FANCE: variants seen among roughly 807,000 people sequenced by gnomAD.
FANCE encodes the protein FA complementation group E.
A neutral mutation model predicts 57.8 loss-of-function variants in FANCE; 42 were observed. That is an observed-to-expected ratio of 0.73 (90% CI 0.57 to 0.94). The LOEUF is 0.94. FANCE is among the 40% of genes least tolerant of loss of function. The pLI is 0.00. For missense variants in FANCE, 608 were observed against 661.8 expected, an observed-to-expected ratio of 0.92 and a Z score of 0.89; for synonymous variants, 251 against 286.4, an observed-to-expected ratio of 0.88 and a Z score of 1.25.
intron 5 of FANCE, 120 bp downstream of exon 5, chr6:35,458,560 G>A (rs1170558213): frequency 2.0e-5 from 25 of 1,244,752 alleles, no homozygotes; most frequent in Admixed American, 1.5e-4. Context: ...GGCTGTTTGG[G>A]CAGCCTGGGG....
chr6:35,455,304 CT>C (rs368813092), intron 1 of FANCE, among the ~76,000 whole-genome samples: 79 of 145,964 alleles, frequency 5.4e-4, no homozygotes, highest in Middle Eastern at 3.5e-3. Flanking sequence ...CATCCACTGA[CT>C]TTTTTTTTTT....
At chr6:35,461,748 C>T (rs1364030650) in intron 8 of FANCE, among the ~76,000 whole-genome samples, 1 of 150,768 alleles carries the variant, frequency 6.6e-6, no homozygotes, top group Non-Finnish European at 1.5e-5. Context: ...CCCGGGTTCA[C>T]GCCATTCTCC....
rs1003010849 is a variant in FANCE at position 35,466,628 on chromosome 6, G to A, written c.*283G>A. Reference sequence around the variant, plus strand: ...CATCCAGGCTGGAGTGCAGTGATGCGATTGATCATGGCTCACTGTAACCTC... The same window carrying A: ...CATCCAGGCTGGAGTGCAGTGATGCAATTGATCATGGCTCACTGTAACCTC... On this transcript the variant is annotated 3_prime_UTR_variant, in exon 10 of 10. Transcript: ENST00000229769. The A allele has an allele frequency of 2.2e-5, 10 of 457,286 alleles. No individual in the cohort carries two copies. Among genetic ancestry groups the A allele is most frequent in the South Asian group, 6.3e-5 (3 of 47,384 alleles). 28.3% of individuals were successfully genotyped at this position (457,286 alleles called of 1,614,324 possible). A position where few individuals can be genotyped will look rare whatever the true frequency, so the allele number is the denominator to read the frequency against.
intron 6 of FANCE, 64 bp downstream of exon 6, chr6:35,459,518 CCA>C (rs1483743684): frequency 2.5e-6 from 4 of 1,611,768 alleles, no homozygotes; most frequent in Non-Finnish European, 2.5e-6. Context: ...ATCCTTCACC[CCA>C]GAGTGGCCCT....
intron 5 of FANCE, 71 bp from the exon 6 acceptor site, chr6:35,459,260 A>C: frequency 1.3e-6 from 2 of 1,578,572 alleles, no homozygotes; most frequent in African/African-American, 1.3e-5. Flanking sequence ...CATCATCTGA[A>C]ATGTGCATTT....
chr6:35,452,394 G>T lies in FANCE; in HGVS notation c.-152G>T. ...CGGCTTCGGGCGGCCGGGTTTCTCC[G>T]GTCTCCCAACGCCGAGGAGAGCTTG... On this transcript the variant is annotated 5_prime_UTR_variant, in exon 1 of 10. Coordinates refer to ENST00000229769, the MANE Select transcript of FANCE (RefSeq NM_021922.3). The T allele has an allele frequency of 1.2e-6, 1 of 853,872 alleles. No homozygotes were observed. The highest frequency in any genetic ancestry group is 1.5e-6 in the Non-Finnish European group (1 of 653,408). The allele number at this position is 853,872 out of a possible 1,614,324, so 52.9% of individuals were successfully genotyped here. A position where few individuals can be genotyped will look rare whatever the true frequency, so the allele number is the denominator to read the frequency against.
chr6:35,466,321 C>T lies in FANCE; in HGVS notation c.1587C>T (p.Ala529=), dbSNP rs750513808. 6.8e-6 allele frequency: 11 copies of T among 1,613,474 alleles called. No individual in the cohort carries two copies. Among genetic ancestry groups the T allele is most frequent in the Non-Finnish European group, 7.6e-6 (9 of 1,179,398 alleles). The change falls in exon 10 of 10, where the codon GCC becomes GCT. Residue 529 remains alanine, a synonymous_variant. Transcript: ENST00000229769. ...NTTFLRKSLK[A]ALKHLGP ...CCTTCCTGAGGAAGTCCCTGAAGGC[C>T]GCCTTGAAACATTTGGGCCCCTGAC...
intron 1 of FANCE, among the ~76,000 whole-genome samples, chr6:35,454,800 C>G (rs911226146): frequency 1.6e-4 from 25 of 152,366 alleles, no homozygotes; most frequent in African/African-American, 5.5e-4. Flanking sequence ...TAAAGTGATT[C>G]CTTCTGTTTC....
chr6:35,462,227 C>G (rs762964732), intron 8 of FANCE, among the ~76,000 whole-genome samples: 8 of 152,064 alleles, frequency 5.3e-5, no homozygotes, highest in Non-Finnish European at 1.2e-4. Context: ...CCAGCCTCAG[C>G]CCCCTGAGTA....
At chr6:35,460,967 G>T (rs1025553448) in intron 8 of FANCE, among the ~76,000 whole-genome samples, 3 of 151,690 alleles carry the variant, frequency 2.0e-5, no homozygotes, top group Non-Finnish European at 4.4e-5. Context: ...TGCCCAGGCC[G>T]AAGTGCAGTG....
At position 35,465,908 on chromosome 6, in the gene FANCE, A is replaced by G. The variant is rs45551032; in HGVS notation, c.1510-336A>G. Among the ~76,000 whole-genome samples the G allele has an allele frequency of 0.039, 5,873 of 152,240 alleles. 152 individuals carry two copies. Among genetic ancestry groups the G allele is most frequent in the East Asian group, 0.14 (703 of 5,172 alleles). ...TGAACCTCAGTTTTCTCCTCTGTAA[A>G]ATGGGAGGGTCTTGAGGATTATATA... is the stretch of plus-strand genomic sequence containing the variant. On this transcript the variant is annotated intron_variant, in intron 9 of 9. Coordinates refer to ENST00000229769, the MANE Select transcript of FANCE (RefSeq NM_021922.3).
At chr6:35,454,410 G>A (rs1178679329) in intron 1 of FANCE, among the ~76,000 whole-genome samples, 1 of 152,216 alleles carries the variant, frequency 6.6e-6, no homozygotes, top group East Asian at 1.9e-4. Flanking sequence ...CTCACATAGT[G>A]TCTATATTCC....
chr6:35,454,259 A>G (rs1561787996), intron 1 of FANCE, among the ~76,000 whole-genome samples: 1 of 151,912 alleles, frequency 6.6e-6, no homozygotes, highest in Non-Finnish European at 1.5e-5. Flanking sequence ...ATAGAGTTTC[A>G]CCATATTGGC....
chr6:35,461,710 CG>C (rs1767595464), intron 8 of FANCE, among the ~76,000 whole-genome samples: 1 of 146,510 alleles, frequency 6.8e-6, no homozygotes, highest in African/African-American at 2.5e-5. Context: ...TGCAGTGGTG[CG>C]ATCTCAGCTC....
Position 35,452,476 on chromosome 6 carries a change from C to G in FANCE, c.-70C>G, listed in dbSNP as rs868778933. 9 of 1,209,442 alleles carry G rather than the reference C, an allele frequency of 7.4e-6. No homozygotes were observed. Among genetic ancestry groups the G allele is most frequent in the Middle Eastern group, 3.0e-4 (1 of 3,328 alleles). The allele number at this position is 1,209,442 out of a possible 1,614,324, so 74.9% of individuals were successfully genotyped here. On this transcript the variant is annotated 5_prime_UTR_variant, in exon 1 of 10. Coordinates refer to ENST00000229769, the MANE Select transcript of FANCE (RefSeq NM_021922.3). ...GCGTCAGGGACGGCGCTGGAGTCCT[C>G]CGTTCCCCTCAGCCTCTGAGCTGAG...
chr6:35,452,562 C>CG lies in FANCE; in HGVS notation c.21dup (p.Leu8AlafsTer5). ...TGCCCCGGCATGGCGACACCGGACG[C>CG]GGGGCTCCCTGGGGCTGAGGGCGTG... is the stretch of plus-strand genomic sequence containing the variant. On this transcript the variant is annotated frameshift_variant, in exon 1 of 10. Transcript: ENST00000229769. LOFTEE classifies it high-confidence loss of function. 7.5e-7 allele frequency: 1 copy of CG among 1,329,668 alleles called. No homozygotes were observed. Among genetic ancestry groups the CG allele is most frequent in the Non-Finnish European group, 9.7e-7 (1 of 1,035,516 alleles). 82.4% of individuals were successfully genotyped at this position (1,329,668 alleles called of 1,614,324 possible).
intron 9 of FANCE, among the ~76,000 whole-genome samples, chr6:35,465,323 G>A (rs1000026054): frequency 2.6e-5 from 4 of 152,024 alleles, no homozygotes; most frequent in East Asian, 1.9e-4. Context: ...ACAGGTGTGC[G>A]CCACCACGCC....
In FANCE at chr6:35,462,694, A is replaced by G. The variant is rs1581708063; in HGVS notation, c.1384-95A>G. The G allele has an allele frequency of 2.6e-5, 41 of 1,556,502 alleles. No homozygotes were observed. In the East Asian group the frequency reaches 9.3e-4, roughly 35 times the overall value. On this transcript the variant is annotated intron_variant, in intron 8 of 9. Coordinates refer to ENST00000229769, the MANE Select transcript of FANCE (RefSeq NM_021922.3). ...GTTACCTGCCCAGGGTCACCTAGCTAGGAAGTGGTGGAGTTGGGAATTGAA... is the reference window on the plus strand; with the variant it reads ...GTTACCTGCCCAGGGTCACCTAGCTGGGAAGTGGTGGAGTTGGGAATTGAA...
intron 1 of FANCE, among the ~76,000 whole-genome samples, chr6:35,453,745 G>A (rs1767206870): frequency 6.6e-6 from 1 of 152,216 alleles, no homozygotes; most frequent in East Asian, 1.9e-4. Flanking sequence ...TCTTTCAGGA[G>A]ATGGGTCAGG....
Sources: allele counts gnomAD v4.1 joint callset (sites outside exome capture counted in the v4.1 genomes callset), GRCh38; gene constraint gnomAD v4.1.1; transcripts MANE v1.5; gene names NCBI Gene and HGNC (gene_info 2026-07-23, HGNC 2026-07-21).